Variants in FREM1 observed in about 807,000 individuals in gnomAD.
The protein encoded by FREM1 is FRAS1 related extracellular matrix 1, also known as FRAS1-related extracellular matrix protein 1.
FREM1 carries 220 observed loss-of-function variants against 210.1 expected under a neutral mutation model. The observed-to-expected ratio is 1.05, with a 90% CI of 0.94 to 1.17. The LOEUF is 1.17. FREM1 is among the 50% of genes most tolerant of loss of function. The pLI is 0.00. For synonymous variants in FREM1, 1,189 were observed against 980.2 expected, an observed-to-expected ratio of 1.21 and a Z score of -3.98; for missense variants, 3,454 against 2,675.5, an observed-to-expected ratio of 1.29 and a Z score of -6.42.
At chr9:14,856,781 C>G (rs7858575) in intron 5 of FREM1, among the ~76,000 whole-genome samples, 1 of 148,614 alleles carries the variant, frequency 6.7e-6, no homozygotes, top group South Asian at 2.1e-4. Context: ...TGCAGTGAGC[C>G]GACATTATTG....
intron 36 of FREM1, 83 bp from the exon 37 acceptor site, chr9:14,737,678 G>C (rs989718875): frequency 4.4e-6 from 5 of 1,123,730 alleles, no homozygotes; most frequent in Non-Finnish European, 6.1e-6. Flanking sequence ...TCTAAGCTCA[G>C]TTATCACATG....
At chr9:14,873,041 C>A (rs1301183257) in intron 1 of FREM1, among the ~76,000 whole-genome samples, 1 of 152,000 alleles carries the variant, frequency 6.6e-6, no homozygotes, top group East Asian at 1.9e-4. Flanking sequence ...GGTGGATAAG[C>A]TTTTTGATGT....
intron 36 of FREM1, 60 bp downstream of exon 36, chr9:14,740,089 G>T: frequency 9.6e-7 from 1 of 1,044,344 alleles, no homozygotes; most frequent in Non-Finnish European, 1.5e-6. Context: ...GGGTGGTGGT[G>T]CCTGTTTGTT....
chr9:14,778,607 C>CAAAAAAA (rs1169611171), intron 24 of FREM1, among the ~76,000 whole-genome samples: 1 of 31,244 alleles, frequency 3.2e-5, no homozygotes, highest in African/African-American at 1.3e-4. Context: ...GAACCTGTCT[C>CAAAAAAA]AAAAAAAAAA....
chr9:14,797,056 T>C (rs956458891), intron 21 of FREM1, among the ~76,000 whole-genome samples: 1 of 152,230 alleles, frequency 6.6e-6, no homozygotes, highest in Non-Finnish European at 1.5e-5. Context: ...AGTGGGTTGA[T>C]TTATTTCCCT....
rs762799389 is a variant in FREM1, at chr9:14,759,857, T to C, written c.5249A>G (p.Tyr1750Cys). 6 of 1,612,842 alleles carry C rather than the reference T, an allele frequency of 3.7e-6. No individual in the cohort carries two copies. The highest frequency in any genetic ancestry group is 5.1e-6 in the Non-Finnish European group (6 of 1,179,080). ...CAAACCCACATTCTCACAGACTTCATATTCGGTCTGTGACCATTCAATATG... is the reference window on the plus strand; with the variant it reads ...CAAACCCACATTCTCACAGACTTCACATTCGGTCTGTGACCATTCAATATG... Reference protein sequence around the residue: ...WSHIEWSQTEYEVCENVGLLP... With the variant: ...WSHIEWSQTECEVCENVGLLP... The change falls in exon 28 of 37, where the codon TAT becomes TGT. Residue 1750 changes from tyrosine (Y) to cysteine (C), a missense_variant. Tyr to Cys is a radical substitution (Grantham distance 194, BLOSUM62 -2). Transcript: ENST00000380880.
rs369791896 is a variant in FREM1, at chr9:14,775,826, C to G, written c.4820G>C (p.Gly1607Ala). Reference protein sequence around the residue: ...DGTNQGFIVNGRVWEEPVLFT... With the variant: ...DGTNQGFIVNARVWEEPVLFT... ...TAAAACAGGTTCTTCCCACACTCTC[C>G]CATTCACAATAAAGCCTTGGTTTGT... The change falls in exon 25 of 37, where the codon GGG becomes GCG. Residue 1607 changes from glycine to alanine, a missense_variant. Coordinates refer to ENST00000380880, the MANE Select transcript of FREM1 (RefSeq NM_001379081.2). 5.6e-5 allele frequency: 91 copies of G among 1,613,518 alleles called. No homozygotes were observed. The East Asian group carries it at 2.0e-3, about 36-fold the overall frequency.
At position 14,868,779 on chromosome 9, in the gene FREM1, G is replaced by C. The variant is rs748496745; in HGVS notation, c.199C>G (p.Pro67Ala). Residue 67 changes from proline (P) to alanine (A), a missense_variant, in exon 2 of 37, where the codon CCA becomes GCA. Physicochemically the swap from Pro to Ala is conservative, Grantham distance 27. Coordinates refer to ENST00000380880, the MANE Select transcript of FREM1 (RefSeq NM_001379081.2). ...ACKVEVVMNE[P>A]ITQRVGKLTP... The stretch of plus-strand genomic sequence containing the variant: ...AGTTTCCCAACCCTCTGGGTTATTG[G>C]CTCATTCATCACAACTTCCACTTTG... 8.1e-6 allele frequency: 13 copies of C among 1,612,488 alleles called. No individual in the cohort carries two copies. Among genetic ancestry groups the C allele is most frequent in the Non-Finnish European group, 9.3e-6 (11 of 1,179,302 alleles).
At chr9:14,891,324 T>G (rs1305647148) in intron 1 of FREM1, among the ~76,000 whole-genome samples, 1 of 152,242 alleles carries the variant, frequency 6.6e-6, no homozygotes, top group Non-Finnish European at 1.5e-5. Flanking sequence ...TAGGGACAAG[T>G]GCTACGTTAA....
rs150128899 is a variant in FREM1, at chr9:14,868,097, T to A, written c.234+647A>T. On this transcript the variant is annotated intron_variant, in intron 2 of 36. Transcript: ENST00000380880. ...TATCTTCACATCTCTTTTCTACTTC[T>A]TTTCCCTTACTCAGAAAAAATGTTT... 2.6e-5 allele frequency among the ~76,000 whole-genome samples: 4 copies of A among 152,346 alleles called. No homozygotes were observed. The East Asian group carries it at 7.7e-4, about 29-fold the overall frequency.
In FREM1 at chr9:14,853,565, A is replaced by G. The variant is rs182486733; in HGVS notation, c.829-1958T>C. Among the ~76,000 whole-genome samples the G allele has an allele frequency of 1.2e-3, 181 of 152,304 alleles. 2 individuals carry two copies. Among genetic ancestry groups the G allele is most frequent in the African/African-American group, 4.1e-3 (170 of 41,568 alleles). On this transcript the variant is annotated intron_variant, in intron 5 of 36. Coordinates refer to ENST00000380880, the MANE Select transcript of FREM1 (RefSeq NM_001379081.2). ...TACCAGGCTCAGAGAGCATGAAATCATATGTCATCAATGCCTGATCAAATA... is the reference window on the plus strand; with the variant it reads ...TACCAGGCTCAGAGAGCATGAAATCGTATGTCATCAATGCCTGATCAAATA...
Position 14,808,103 on chromosome 9 carries a change from G to A in FREM1, c.2925C>T (p.Asp975=). The A allele has an allele frequency of 6.2e-7, 1 of 1,610,566 alleles. No individual in the cohort carries two copies. The highest frequency in any genetic ancestry group is 1.1e-5 in the South Asian group (1 of 90,424). The change falls in exon 17 of 37, where the codon GAC becomes GAT. Residue 975 remains aspartate, a synonymous_variant. Transcript: ENST00000380880. ...CATCCGAAACCACCAATGTAATGGTGTCAAAACAAGGCATCAGGCCAATCT... is the reference window on the plus strand; with the variant it reads ...CATCCGAAACCACCAATGTAATGGTATCAAAACAAGGCATCAGGCCAATCT... ...GGEIGLMPCF[D]TITLVVSDGE...
chr9:14,759,298 T>C (rs142571330), intron 28 of FREM1, among the ~76,000 whole-genome samples: 1,853 of 152,042 alleles, frequency 0.012, 41 homozygotes, highest in African/African-American at 0.043. Context: ...TTGCCTGAGG[T>C]GAGGAGTTCG....
intron 2 of FREM1, among the ~76,000 whole-genome samples, chr9:14,864,634 C>G (rs1831181602): frequency 6.6e-6 from 1 of 152,176 alleles, no homozygotes; most frequent in Admixed American, 6.6e-5. Context: ...TTTTGGGAAC[C>G]TGATTTTTAG....
chr9:14,821,625 T>C (rs1392370860), intron 13 of FREM1, among the ~76,000 whole-genome samples: 1 of 152,222 alleles, frequency 6.6e-6, no homozygotes, highest in Non-Finnish European at 1.5e-5. Context: ...TGTCAAAGAA[T>C]GGAGTTAGTT....
chr9:14,874,716 T>G (rs1340976889), intron 1 of FREM1, among the ~76,000 whole-genome samples: 1 of 152,220 alleles, frequency 6.6e-6, no homozygotes, highest in Non-Finnish European at 1.5e-5. Context: ...CATTATGATT[T>G]TAGCTGGTTA....
At chr9:14,767,490 C>G (rs941968703) in intron 27 of FREM1, among the ~76,000 whole-genome samples, 9 of 152,296 alleles carry the variant, frequency 5.9e-5, no homozygotes, top group Admixed American at 5.9e-4. Flanking sequence ...TCAGTTTTCT[C>G]ATCTGTAAAT....
Position 14,775,951 on chromosome 9 carries a change from G to T in FREM1, c.4695C>A (p.His1565Gln). ...TGTCCACATCCTGCTGGGTGAAATT[G>T]TGTTGAAGTAGCCCTGTCCCCCACA... Reference protein sequence around the residue: ...LYLWGTGLLQHNFTQQDVDSK... With the variant: ...LYLWGTGLLQQNFTQQDVDSK... Residue 1565 changes from histidine (H) to glutamine (Q), a missense_variant, in exon 25 of 37, where the codon CAC becomes CAA. Coordinates refer to ENST00000380880, the MANE Select transcript of FREM1 (RefSeq NM_001379081.2). The T allele has an allele frequency of 6.2e-7, 1 of 1,614,010 alleles. No homozygotes were observed. The highest frequency in any genetic ancestry group is 1.1e-5 in the South Asian group (1 of 91,084).
At chr9:14,880,900 A>G (rs998685012) in intron 1 of FREM1, among the ~76,000 whole-genome samples, 18 of 152,228 alleles carry the variant, frequency 1.2e-4, no homozygotes, top group Admixed American at 1.3e-4. Flanking sequence ...AGTCACCAAT[A>G]TAATTAGTTC....
Sources: allele counts gnomAD v4.1 joint callset (sites outside exome capture counted in the v4.1 genomes callset), GRCh38; gene constraint gnomAD v4.1.1; transcripts MANE v1.5; gene names NCBI Gene and HGNC (gene_info 2026-07-23, HGNC 2026-07-21).